Variants in SLC30A8 observed in about 807,000 individuals in gnomAD.
The protein encoded by SLC30A8 is solute carrier family 30 member 8, also known as proton-coupled zinc antiporter SLC30A8.
In SLC30A8, 27 loss-of-function variants were observed where a neutral mutation model predicts 36.9. The observed-to-expected ratio is 0.73, with a 90% confidence interval of 0.54 to 1.01. The LOEUF (loss-of-function observed/expected upper bound fraction) is 1.01, where lower values mean the gene tolerates loss of function less well. Among genes scored for constraint, SLC30A8 ranks in the 50% least tolerant of loss-of-function variants. The pLI, the probability that SLC30A8 is intolerant of heterozygous loss-of-function variation, is 0.00. For missense variants in SLC30A8, 439 were observed against 452.0 expected, an observed-to-expected ratio of 0.97 and a Z score of 0.26; for synonymous variants, 164 against 172.4, an observed-to-expected ratio of 0.95 and a Z score of 0.38.
At chr8:116,964,546 A>G (rs1264767161) in intron 1 of SLC30A8, among the ~76,000 whole-genome samples, 1 of 152,180 alleles carries the variant, frequency 6.6e-6, no homozygotes, top group Non-Finnish European at 1.5e-5. Context: ...TCATCCTAGC[A>G]AAGTGTTTAT....
In SLC30A8 at chr8:117,136,597, A is replaced by G. The variant is rs1449797369; in HGVS notation, c.71+1199A>G. 8.5e-5 allele frequency among the ~76,000 whole-genome samples: 13 copies of G among 152,092 alleles called. No individual in the cohort carries two copies. The East Asian group carries it at 2.3e-3, about 27-fold the overall frequency. On this transcript the variant is annotated intron_variant, in intron 1 of 7. Transcript: ENST00000456015. Reference sequence around the variant, plus strand: ...TTAAAACAAAGAATCTAGCAATCTCACATTAGAAGAATTATTTTTCTTAGA... The same window carrying G: ...TTAAAACAAAGAATCTAGCAATCTCGCATTAGAAGAATTATTTTTCTTAGA...
chr8:117,043,392 TG>T (rs960875643), intron 2 of SLC30A8, among the ~76,000 whole-genome samples: 1 of 151,854 alleles, frequency 6.6e-6, no homozygotes, highest in African/African-American at 2.4e-5. Flanking sequence ...TGAGGATGAG[TG>T]GGAAGTGCGT....
intron 2 of SLC30A8, among the ~76,000 whole-genome samples, chr8:117,063,637 A>G: frequency 6.6e-6 from 1 of 152,238 alleles, no homozygotes; most frequent in East Asian, 1.9e-4. Flanking sequence ...AACCGTCAAT[A>G]TAGAATCAGA....
At chr8:117,112,085 A>T (rs1820251081) in intron 2 of SLC30A8, among the ~76,000 whole-genome samples, 1 of 152,126 alleles carries the variant, frequency 6.6e-6, no homozygotes, top group Admixed American at 6.6e-5. Context: ...TCTCTATTTC[A>T]GGTATCATTT....
intron 1 of SLC30A8, among the ~76,000 whole-genome samples, chr8:116,955,736 TAAAAA>T (rs1217003228): frequency 2.9e-5 from 4 of 136,948 alleles, no homozygotes; most frequent in Admixed American, 1.4e-4. Context: ...AAAAAAAAAA[TAAAAA>T]AAAAGAAAAC....
At chr8:117,020,646 C>A (rs1436171432) in intron 1 of SLC30A8, among the ~76,000 whole-genome samples, 1 of 144,800 alleles carries the variant, frequency 6.9e-6, no homozygotes, top group African/African-American at 2.6e-5. Context: ...TGAATAAATT[C>A]TGGTACATCT....
At chr8:117,091,275 G>A (rs776447968) in intron 2 of SLC30A8, among the ~76,000 whole-genome samples, 11 of 152,112 alleles carry the variant, frequency 7.2e-5, no homozygotes, top group Non-Finnish European at 1.5e-4. Context: ...CTTGAACGGG[G>A]CATGAACAAA....
At chr8:117,040,840 C>T (rs1817361324) in intron 2 of SLC30A8, among the ~76,000 whole-genome samples, 4 of 152,128 alleles carry the variant, frequency 2.6e-5, no homozygotes, top group Non-Finnish European at 2.9e-5. Flanking sequence ...TTAGCAATGC[C>T]GAGTTTTAAC....
intron 2 of SLC30A8, among the ~76,000 whole-genome samples, chr8:117,111,961 G>A (rs1820245568): frequency 1.3e-5 from 2 of 152,058 alleles, no homozygotes; most frequent in Non-Finnish European, 2.9e-5. Flanking sequence ...TATGCCTCAG[G>A]TGGGAGCCAA....
intron 2 of SLC30A8, among the ~76,000 whole-genome samples, chr8:117,061,766 C>G (rs1010248258): frequency 1.3e-5 from 2 of 152,140 alleles, no homozygotes; most frequent in African/African-American, 4.8e-5. Flanking sequence ...ATCCGGAAAG[C>G]AGTATCAGCA....
intron 1 of SLC30A8, among the ~76,000 whole-genome samples, chr8:117,006,255 C>A (rs1030128322): frequency 6.6e-6 from 1 of 152,084 alleles, no homozygotes; most frequent in African/African-American, 2.4e-5. Flanking sequence ...TTACATAATA[C>A]AAAGTCTTGG....
chr8:117,077,146 C>T (rs1303399844), intron 2 of SLC30A8, among the ~76,000 whole-genome samples: 1 of 152,162 alleles, frequency 6.6e-6, no homozygotes, highest in Non-Finnish European at 1.5e-5. Context: ...CCTGTCTGAG[C>T]TCTCCTATGT....
intron 3 of SLC30A8, among the ~76,000 whole-genome samples, chr8:117,156,042 TA>T (rs1563632180): frequency 1.4e-5 from 2 of 147,190 alleles, no homozygotes; most frequent in Middle Eastern, 3.5e-3. Flanking sequence ...TGAAGATTAG[TA>T]CTTTTTTTTT....
chr8:117,169,618 G>A (rs1171672722), intron 6 of SLC30A8, among the ~76,000 whole-genome samples: 2 of 152,008 alleles, frequency 1.3e-5, no homozygotes, highest in Non-Finnish European at 2.9e-5. Context: ...AGAAAATAAG[G>A]TTAATTGGCT....
At chr8:117,091,239 A>C (rs1050764157) in intron 2 of SLC30A8, among the ~76,000 whole-genome samples, 1 of 152,146 alleles carries the variant, frequency 6.6e-6, no homozygotes, top group Non-Finnish European at 1.5e-5. Context: ...AATCTGCCCC[A>C]GTTTCCCTTT....
intron 6 of SLC30A8, among the ~76,000 whole-genome samples, chr8:117,166,766 A>ATTTTTTTTTTTTTTTTTTT (rs71305462): frequency 3.9e-5 from 5 of 128,674 alleles, no homozygotes; most frequent in African/African-American, 1.5e-4. Flanking sequence ...ACATTAGCTG[A>ATTTTTTTTTTTTTTTTTTT]TTTTTTTTTT....
At chr8:116,984,681 C>T (rs1185271386) in intron 1 of SLC30A8, among the ~76,000 whole-genome samples, 5 of 151,936 alleles carry the variant, frequency 3.3e-5, no homozygotes, top group African/African-American at 1.2e-4. Flanking sequence ...ATTTCAATGG[C>T]TACAAATGTC....
chr8:117,001,063 C>A (rs1231576976), intron 1 of SLC30A8, among the ~76,000 whole-genome samples: 4 of 152,112 alleles, frequency 2.6e-5, no homozygotes, highest in African/African-American at 9.7e-5. Context: ...AGTAACCTTA[C>A]CTTCCGTGTA....
chr8:117,053,320 C>T lies in SLC30A8; in HGVS notation c.-226+14062C>T, dbSNP rs115091321. ...CCCTTCAGGATCCTTATTTTCCTAT[C>T]GTCTGGTTTCCACCCATTCTCAGAT... On this transcript the variant is annotated intron_variant, in intron 2 of 10. Transcript: ENST00000427715. Among the ~76,000 whole-genome samples, 452 of 152,244 alleles carry T rather than the reference C, an allele frequency of 3.0e-3. 1 individual carries two copies. The highest frequency in any genetic ancestry group is 0.01 in the African/African-American group (417 of 41,546).
Sources: gnomAD v4.1 joint callset for allele counts (sites outside exome capture counted in the v4.1 genomes callset) on GRCh38, gnomAD v4.1.1 for gene constraint, MANE v1.5 for transcripts, NCBI Gene and HGNC (gene_info 2026-07-23, HGNC 2026-07-21) for gene names.